AHRR: variants seen among roughly 807,000 people sequenced by gnomAD.
AHRR encodes aryl hydrocarbon receptor repressor, also known as ahR repressor.
AHRR carries 28 observed loss-of-function variants against 44.0 expected under a neutral mutation model. The ratio of observed to expected loss-of-function variants is 0.64; its 90% CI spans 0.47 to 0.87. AHRR has a LOEUF of 0.87. Among genes scored for constraint, AHRR ranks in the 40% least tolerant of loss-of-function variants. AHRR has a pLI of 0.00. For synonymous variants in AHRR, 434 were observed against 407.0 expected (o/e 1.07, Z -0.80); for missense variants, 990 against 953.9 (o/e 1.04, Z -0.50).
Position 434,363 on chromosome 5 carries a change from TGA to T in AHRR, c.1625_1626del (p.Glu542GlyfsTer17), listed in dbSNP as rs1442036897. On this transcript the variant is annotated frameshift_variant, in exon 11 of 11. Coordinates refer to ENST00000684583, the MANE Select transcript of AHRR (RefSeq NM_001377236.1). ...SIKMEKDSGC[E>X]GAADGCVPSQ... ...TCAAGATGGAGAAGGACTCTGGGTG[TGA>T]GGGTGCTGCAGACGGCTGTGTGCCC... 1 of 1,613,404 alleles carries T rather than the reference TGA, an allele frequency of 6.2e-7. No homozygotes were observed. The highest frequency in any genetic ancestry group is 8.5e-7 in the Non-Finnish European group (1 of 1,179,946).
At position 395,136 on chromosome 5, in the gene AHRR, C is replaced by T. The variant is rs1413147743; in HGVS notation, c.352-18208C>T. ...GCCGTGGCTCCCAATCTCCTCCACA[C>T]CTAACCCCAGATAGCCCAAGACTTC... On this transcript the variant is annotated intron_variant, in intron 4 of 10. Transcript: ENST00000684583. This position sits in a 1 kb window ranked among gnomAD's most constrained non-coding sequence, Gnocchi z 5.3. Among the ~76,000 whole-genome samples, 1 of 152,198 alleles carries T rather than the reference C, an allele frequency of 6.6e-6. No individual in the cohort carries two copies. The highest frequency in any genetic ancestry group is 1.5e-5 in the Non-Finnish European group (1 of 68,030).
chr5:432,740 C>T, intron 9 of AHRR, 66 bp from the exon 10 acceptor site: 1 of 1,612,608 alleles, frequency 6.2e-7, no homozygotes, highest in Non-Finnish European at 8.5e-7. Flanking sequence ...TGAGAACAAG[C>T]AACCGTCTTC....
intron 2 of AHRR, among the ~76,000 whole-genome samples, chr5:347,800 GTTTTGATGT>G (rs1335051031): frequency 6.6e-6 from 1 of 152,228 alleles, no homozygotes; most frequent in Non-Finnish European, 1.5e-5. Flanking sequence ...CCAAAACACT[GTTTTGATGT>G]TGAGTCTGGG....
At chr5:376,545 T>C in intron 3 of AHRR, 65 bp from the exon 4 acceptor site, 2 of 1,402,568 alleles carry the variant, frequency 1.4e-6, no homozygotes, top group Admixed American at 2.3e-5. Flanking sequence ...AGGAAAGATG[T>C]GAATGAAGAA....
rs112763035 is a variant in AHRR at position 428,081 on chromosome 5, T to A, written c.908+75T>A. ...CACAAAACACCTCCACACTCAGTGT[T>A]TTCTGTGTCTTCTTTCTTCATTTCC... On this transcript the variant is annotated intron_variant, in intron 8 of 10. Transcript: ENST00000684583. 567 of 1,453,898 alleles carry A rather than the reference T, an allele frequency of 3.9e-4. 1 individual carries two copies. The African/African-American group carries it at 7.1e-3, about 18-fold the overall frequency. The allele number at this position is 1,453,898 out of a possible 1,614,324, so 90.1% of individuals were successfully genotyped here.
intron 4 of AHRR, among the ~76,000 whole-genome samples, chr5:403,217 G>A (rs1735096485): frequency 6.6e-6 from 1 of 152,182 alleles, no homozygotes. Flanking sequence ...AGGGGAGTGG[G>A]GGTGAGTGTT....
chr5:422,865 G>T lies in AHRR; in HGVS notation c.571+7G>T. 6.2e-7 allele frequency: 1 copy of T among 1,607,808 alleles called. No homozygotes were observed. The highest frequency in any genetic ancestry group is 8.5e-7 in the Non-Finnish European group (1 of 1,176,492). ...CCCCCGCCCTTGGAGACAGGTGGGT[G>T]TCTGGGGTCCAAGTGAGTCAGCAAA... On this transcript the variant is annotated splice_region_variant and intron_variant, in intron 6 of 10. Coordinates refer to ENST00000684583, the MANE Select transcript of AHRR (RefSeq NM_001377236.1).
intron 3 of AHRR, 71 bp from the exon 4 acceptor site, chr5:376,539 A>G (rs1733676734): frequency 1.4e-5 from 21 of 1,476,658 alleles, no homozygotes; most frequent in South Asian, 6.8e-5. Context: ...AAACACAGGA[A>G]AGATGTGAAT....
At chr5:414,088 C>A (rs1251827158) in intron 5 of AHRR, among the ~76,000 whole-genome samples, 1 of 152,136 alleles carries the variant, frequency 6.6e-6, no homozygotes, top group Non-Finnish European at 1.5e-5. Context: ...CATGGTGAAA[C>A]CCTGTCTCTA....
In AHRR at chr5:388,909, G is replaced by A. The variant is rs147490437; in HGVS notation, c.351+12193G>A. On this transcript the variant is annotated intron_variant, in intron 4 of 10. Coordinates refer to ENST00000684583, the MANE Select transcript of AHRR (RefSeq NM_001377236.1). The surrounding 1 kb of genome is among the most constrained non-coding windows in gnomAD (Gnocchi z 5.2). Reference sequence around the variant, plus strand: ...GCAGCAGGTGCGGAGGGTTTCCGCCGGTGCCTCGCACAGGAGAGAAGATGG... The same window carrying A: ...GCAGCAGGTGCGGAGGGTTTCCGCCAGTGCCTCGCACAGGAGAGAAGATGG... 2.8e-3 allele frequency among the ~76,000 whole-genome samples: 421 copies of A among 152,272 alleles called. 1 individual carries two copies. The highest frequency in any genetic ancestry group is 6.8e-3 in the Middle Eastern group (2 of 294).
At chr5:415,808 C>G (rs1402411804) in intron 5 of AHRR, among the ~76,000 whole-genome samples, 2 of 152,324 alleles carry the variant, frequency 1.3e-5, no homozygotes, top group Non-Finnish European at 1.5e-5. Context: ...CATTAGAATT[C>G]ACGTCTGCGC....
chr5:376,552 A>ATGAGAACCGTGGGGTGACCGCGGG, intron 3 of AHRR, 58 bp from the exon 4 acceptor site: 1 of 1,409,244 alleles, frequency 7.1e-7, no homozygotes, highest in Non-Finnish European at 9.6e-7. Flanking sequence ...ATGTGAATGA[A>ATGAGAACCGTGGGGTGACCGCGGG]GAAGAGTGGC....
Position 404,086 on chromosome 5 carries a change from A to G in AHRR, c.352-9258A>G. The G allele has an allele frequency of 1.6e-6, 1 of 636,610 alleles. No homozygotes were observed. The allele number at this position is 636,610 out of a possible 1,614,324, so 39.4% of individuals were successfully genotyped here. ...TTGTCCAGCGTTTGAAGAAAAAGTC[A>G]GTTCCGTTGTCAGGGTTGGTCCAGG... On this transcript the variant is annotated intron_variant, in intron 4 of 10. Transcript: ENST00000684583. The surrounding 1 kb of genome is among the most constrained non-coding windows in gnomAD (Gnocchi z 4.1).
At chr5:403,417 CCT>C (rs1486748227) in intron 4 of AHRR, among the ~76,000 whole-genome samples, 2 of 152,150 alleles carry the variant, frequency 1.3e-5, no homozygotes, top group Non-Finnish European at 2.9e-5. Context: ...GGGTGGATCA[CCT>C]GAGGTCAGGA....
chr5:344,395 T>C (rs28374922), intron 2 of AHRR, among the ~76,000 whole-genome samples: 1 of 105,870 alleles, frequency 9.4e-6, no homozygotes, highest in Non-Finnish European at 1.9e-5. Context: ...TGTCTGCGGG[T>C]GGGGAGGGCT....
At chr5:375,498 C>T (rs745520755) in intron 3 of AHRR, among the ~76,000 whole-genome samples, 22 of 152,322 alleles carry the variant, frequency 1.4e-4, no homozygotes, top group African/African-American at 3.6e-4. Context: ...TGTGCCACGC[C>T]GGGACCCCGG....
intron 8 of AHRR, among the ~76,000 whole-genome samples, chr5:431,717 A>C (rs1736742810): frequency 6.6e-6 from 1 of 152,086 alleles, no homozygotes; most frequent in African/African-American, 2.4e-5. Context: ...CCTCTTCCTG[A>C]AGCCCATTCT....
chr5:345,012 CTGTG>C (rs1175394336), intron 2 of AHRR, among the ~76,000 whole-genome samples: 1 of 99,652 alleles, frequency 1.0e-5, no homozygotes, highest in Admixed American at 1.1e-4. Context: ...GAGTGTGAGG[CTGTG>C]TGTGTGCGAG....
intron 7 of AHRR, 81 bp downstream of exon 7, chr5:424,058 GA>G: frequency 6.5e-7 from 1 of 1,536,370 alleles, no homozygotes; most frequent in Non-Finnish European, 8.7e-7. Context: ...CAGAGGGCAA[GA>G]GGGGGTGGGG....
Sources: allele counts gnomAD v4.1 joint callset (sites outside exome capture counted in the v4.1 genomes callset), GRCh38; gene constraint gnomAD v4.1.1; non-coding constraint Gnocchi (gnomAD v3.1); transcripts MANE v1.5; gene names NCBI Gene and HGNC (gene_info 2026-07-23, HGNC 2026-07-21).